CPNE5: variants seen among roughly 807,000 people sequenced by gnomAD.
The protein encoded by CPNE5 is copine 5, also known as copine-5.
Under a neutral mutation model 81.1 loss-of-function variants are expected in CPNE5, and 42 were observed. The ratio of observed to expected loss-of-function variants is 0.52; its 90% CI spans 0.40 to 0.67. The LOEUF (loss-of-function observed/expected upper bound fraction) is 0.67, where lower values mean the gene tolerates loss of function less well. Ranked by LOEUF, CPNE5 falls within the 30% of genes least tolerant of loss-of-function variation. The pLI is 0.00. For synonymous variants in CPNE5, 313 were observed against 321.5 expected (o/e 0.97, Z 0.28); for missense variants, 612 against 815.5 (o/e 0.75, Z 3.04).
At chr6:36,748,504 G>T (rs749168616) in intron 14 of CPNE5, among the ~76,000 whole-genome samples, 12 of 152,200 alleles carry the variant, frequency 7.9e-5, no homozygotes, top group Non-Finnish European at 1.6e-4. Context: ...CTTTGAAGAT[G>T]ATTGTGTTCT....
Position 36,771,396 on chromosome 6 carries a change from C to T in CPNE5, c.737+3565G>A, listed in dbSNP as rs551000592. ...GGCAAGTGACTTAATCTCTCAGGGC[C>T]TCTCTGTCTCCTTACCTGTAAAATG... On this transcript the variant is annotated intron_variant, in intron 10 of 20. Coordinates refer to ENST00000244751, the MANE Select transcript of CPNE5 (RefSeq NM_020939.2). 1.2e-4 allele frequency among the ~76,000 whole-genome samples: 19 copies of T among 152,340 alleles called. 1 individual carries two copies. Among genetic ancestry groups the T allele is most frequent in the Middle Eastern group, 3.4e-3 (1 of 294 alleles).
At chr6:36,782,816 AAC>A (rs3997726) in intron 8 of CPNE5, among the ~76,000 whole-genome samples, 16,781 of 125,936 alleles carry the variant, frequency 0.13, 1,073 homozygotes, top group Admixed American at 0.21. Context: ...CAAAAACCAA[AAC>A]ACACACACAC....
intron 3 of CPNE5, among the ~76,000 whole-genome samples, chr6:36,813,375 A>T (rs1231741009): frequency 6.6e-6 from 1 of 152,198 alleles, no homozygotes; most frequent in African/African-American, 2.4e-5. Context: ...TACTAAAAAT[A>T]CAAAAATTAG....
chr6:36,746,348 T>G lies in CPNE5; in HGVS notation c.1200+48A>C. ...GTCCCCCCACCCCCAGCTTGTCACCTCACCCCCAGCCTGATCAGTCCTCTC... is the reference window on the plus strand; with the variant it reads ...GTCCCCCCACCCCCAGCTTGTCACCGCACCCCCAGCCTGATCAGTCCTCTC... On this transcript the variant is annotated intron_variant, in intron 16 of 20. Transcript: ENST00000244751. The surrounding 1 kb of genome is among the most constrained non-coding windows in gnomAD (Gnocchi z 4.5). The G allele has an allele frequency of 1.6e-5, 15 of 961,462 alleles. No homozygotes were observed. Among genetic ancestry groups the G allele is most frequent in the African/African-American group, 4.1e-5 (2 of 49,168 alleles). 59.6% of individuals were successfully genotyped at this position (961,462 alleles called of 1,614,324 possible).
intron 1 of CPNE5, among the ~76,000 whole-genome samples, chr6:36,825,284 C>T (rs1772405572): frequency 6.6e-6 from 1 of 152,216 alleles, no homozygotes; most frequent in Non-Finnish European, 1.5e-5. Context: ...CCTCTGGTGC[C>T]TGGGGAAGCC....
chr6:36,791,073 A>G (rs1490630052), intron 8 of CPNE5, among the ~76,000 whole-genome samples: 1 of 152,114 alleles, frequency 6.6e-6, no homozygotes, highest in African/African-American at 2.4e-5. Context: ...CTGTGTTCCC[A>G]GGGTAGCCCA....
In CPNE5 at chr6:36,801,201, A is replaced by G. The variant is rs1770073195; in HGVS notation, c.184-1131T>C. Among the ~76,000 whole-genome samples the G allele has an allele frequency of 2.0e-5, 3 of 152,370 alleles. 1 individual carries two copies. Among genetic ancestry groups the G allele is most frequent in the Middle Eastern group, 6.8e-3 (2 of 294 alleles). ...GCAGTCAATAATTGAATCCCATTCA[A>G]TTTTGCAAATGACTTTAGGCCAAAT... On this transcript the variant is annotated intron_variant, in intron 3 of 20. Transcript: ENST00000244751.
chr6:36,835,688 C>A (rs1199967453), intron 1 of CPNE5, among the ~76,000 whole-genome samples: 1 of 151,908 alleles, frequency 6.6e-6, no homozygotes, highest in Non-Finnish European at 1.5e-5. Flanking sequence ...TCCAGTTACT[C>A]AGTAGACTGA....
At chr6:36,782,816 A>AACACACAC (rs3997726) in intron 8 of CPNE5, among the ~76,000 whole-genome samples, 1,855 of 126,286 alleles carry the variant, frequency 0.015, 27 homozygotes, top group African/African-American at 0.02. Flanking sequence ...CAAAAACCAA[A>AACACACAC]ACACACACAC....
upstream of CPNE5, chr6:36,839,446 G>C: frequency 7.4e-7 from 1 of 1,352,858 alleles, no homozygotes; most frequent in South Asian, 1.4e-5. The surrounding 1 kb of genome is among the most constrained non-coding windows in gnomAD (Gnocchi z 7.3). Context: ...GGAGCGACTG[G>C]AGCCCTGGGC....
At chr6:36,761,126 G>A (rs971493998) in intron 12 of CPNE5, among the ~76,000 whole-genome samples, 12 of 152,316 alleles carry the variant, frequency 7.9e-5, no homozygotes, top group African/African-American at 1.9e-4. Context: ...AGCCAAGCTC[G>A]GAGAGATCTG....
In CPNE5 at chr6:36,803,410, G is replaced by A. The variant is rs1232404569; in HGVS notation, c.184-3340C>T. Among the ~76,000 whole-genome samples the A allele has an allele frequency of 2.6e-5, 4 of 152,288 alleles. No homozygotes were observed. The East Asian group carries it at 5.8e-4, about 22-fold the overall frequency. ...CTGCGGCCTGATAATGATCTACTGAGTCTATTTCTACCCCTCTAGATTGTG... is the reference window on the plus strand; with the variant it reads ...CTGCGGCCTGATAATGATCTACTGAATCTATTTCTACCCCTCTAGATTGTG... On this transcript the variant is annotated intron_variant, in intron 3 of 20. Coordinates refer to ENST00000244751, the MANE Select transcript of CPNE5 (RefSeq NM_020939.2).
At chr6:36,761,610 T>C (rs1375622923) in intron 12 of CPNE5, among the ~76,000 whole-genome samples, 3 of 152,162 alleles carry the variant, frequency 2.0e-5, no homozygotes, top group Non-Finnish European at 4.4e-5. Context: ...GGTAGGATGG[T>C]TGTAAAATGT....
At chr6:36,812,883 C>T (rs1463043436) in intron 3 of CPNE5, among the ~76,000 whole-genome samples, 1 of 152,226 alleles carries the variant, frequency 6.6e-6, no homozygotes, top group Non-Finnish European at 1.5e-5. Flanking sequence ...TTGGAGTCCA[C>T]CTCTTAGAGA....
intron 15 of CPNE5, 80 bp downstream of exon 15, chr6:36,748,141 G>C: frequency 7.7e-7 from 1 of 1,294,942 alleles, no homozygotes; most frequent in East Asian, 2.3e-5. Context: ...TGAGGGTCAT[G>C]GTCCCAGCCA....
chr6:36,787,748 G>C (rs1768694896), intron 8 of CPNE5, among the ~76,000 whole-genome samples: 1 of 152,124 alleles, frequency 6.6e-6, no homozygotes, highest in Non-Finnish European at 1.5e-5. Flanking sequence ...GGGCAGTTAT[G>C]GTGTGAAGTT....
At chr6:36,771,594 G>C (rs987678044) in intron 10 of CPNE5, among the ~76,000 whole-genome samples, 2 of 152,206 alleles carry the variant, frequency 1.3e-5, no homozygotes. Flanking sequence ...CTAAGAGGGA[G>C]GCTTGGGTCA....
rs1478391647 is a variant in CPNE5, at chr6:36,775,081, A to G, written c.633-16T>C. 1 of 1,607,254 alleles carries G rather than the reference A, an allele frequency of 6.2e-7. No homozygotes were observed. The highest frequency in any genetic ancestry group is 1.1e-5 in the South Asian group (1 of 90,824). ...AATGGTGAACCTGGTGAAGAAGAAG[A>G]GAGGGAAAGGCTGTCAGGCCCAAAC... is the stretch of plus-strand genomic sequence containing the variant. On this transcript the variant is annotated splice_polypyrimidine_tract_variant and intron_variant, in intron 9 of 20. Transcript: ENST00000244751.
intron 3 of CPNE5, among the ~76,000 whole-genome samples, chr6:36,821,865 G>A (rs1023432754): frequency 6.6e-6 from 1 of 152,142 alleles, no homozygotes; most frequent in East Asian, 1.9e-4. Flanking sequence ...TGGGACTGGG[G>A]CTCCCTGAGA....
Sources: allele counts gnomAD v4.1 joint callset (sites outside exome capture counted in the v4.1 genomes callset), GRCh38; gene constraint gnomAD v4.1.1; non-coding constraint Gnocchi (gnomAD v3.1); transcripts MANE v1.5; gene names NCBI Gene and HGNC (gene_info 2026-07-23, HGNC 2026-07-21).